The following GALNT8 variants were observed in gnomAD, a reference collection of about 807,000 sequenced individuals.
GALNT8 encodes the protein probable polypeptide N-acetylgalactosaminyltransferase 8.
GALNT8 carries 66 observed loss-of-function variants against 62.7 expected under a neutral mutation model. The ratio of observed to expected loss-of-function variants is 1.05; its 90% CI spans 0.86 to 1.29. The LOEUF (loss-of-function observed/expected upper bound fraction) is 1.29, where lower values mean the gene tolerates loss of function less well. Ranked by LOEUF, GALNT8 falls within the 50% of genes most tolerant of loss-of-function variation. The probability of loss-of-function intolerance (pLI) is 0.00; values close to 1 mark genes in which losing one functional copy is unlikely to be tolerated. For synonymous variants in GALNT8, 288 were observed against 294.3 expected (o/e 0.98, Z 0.22); for missense variants, 771 against 791.8 (o/e 0.97, Z 0.32).
At chr12:4,736,415 C>T (rs1459973210) in intron 2 of GALNT8, among the ~76,000 whole-genome samples, 1 of 151,944 alleles carries the variant, frequency 6.6e-6, no homozygotes, top group Non-Finnish European at 1.5e-5. Flanking sequence ...TCCAAGCTAC[C>T]AGTATGTGGG....
In GALNT8 at chr12:4,726,506, C is replaced by T; in HGVS notation, c.212-26C>T. On this transcript the variant is annotated intron_variant, in intron 1 of 10. Coordinates refer to ENST00000252318, the MANE Select transcript of GALNT8 (RefSeq NM_017417.2). This position sits in a 1 kb window ranked among gnomAD's most constrained non-coding sequence, Gnocchi z 4.1. Reference sequence around the variant, plus strand: ...AAGGAGGGGCTGAAATGTTTTCTCTCCCACCCCTGTCCTCTTCATTTGCAG... The same window carrying T: ...AAGGAGGGGCTGAAATGTTTTCTCTTCCACCCCTGTCCTCTTCATTTGCAG... The T allele has an allele frequency of 1.3e-6, 2 of 1,566,864 alleles. No homozygotes were observed. Among genetic ancestry groups the T allele is most frequent in the South Asian group, 1.2e-5 (1 of 85,180 alleles).
At chr12:4,760,684 G>A (rs1343277337) in intron 6 of GALNT8, among the ~76,000 whole-genome samples, 1 of 152,212 alleles carries the variant, frequency 6.6e-6, no homozygotes, top group East Asian at 1.9e-4. Flanking sequence ...GGATAAGGGA[G>A]CAGAGGCAGC....
intron 6 of GALNT8, among the ~76,000 whole-genome samples, chr12:4,752,665 T>C (rs979583411): frequency 6.6e-6 from 1 of 152,162 alleles, no homozygotes; most frequent in Non-Finnish European, 1.5e-5. Context: ...TGTTGATCGA[T>C]TCATTATTTA....
At chr12:4,728,141 G>A (rs1013724457) in intron 2 of GALNT8, among the ~76,000 whole-genome samples, 1 of 151,856 alleles carries the variant, frequency 6.6e-6, no homozygotes, top group Admixed American at 6.6e-5. Context: ...CTTTTCATGT[G>A]CTATTGGCCA....
At chr12:4,727,703 TA>T (rs1946202723) in intron 2 of GALNT8, among the ~76,000 whole-genome samples, 2 of 152,222 alleles carry the variant, frequency 1.3e-5, no homozygotes, top group Non-Finnish European at 2.9e-5. Flanking sequence ...CGTTCCTTTT[TA>T]TTGTTAAATA....
intron 3 of GALNT8, among the ~76,000 whole-genome samples, chr12:4,741,845 G>A (rs572961602): frequency 2.6e-5 from 4 of 152,196 alleles, no homozygotes; most frequent in Non-Finnish European, 5.9e-5. Context: ...CAGAAAAGGG[G>A]ACTGTCAGCC....
chr12:4,765,443 G>C lies in GALNT8; in HGVS notation c.1658G>C (p.Ser553Thr). 6.2e-7 allele frequency: 1 copy of C among 1,610,724 alleles called. No homozygotes were observed. The highest frequency in any genetic ancestry group is 8.5e-7 in the Non-Finnish European group (1 of 1,179,350). The change falls in exon 10 of 11, where the codon AGT becomes ACT. Residue 553 changes from serine to threonine, a missense_variant. By Grantham distance (58) the Ser-to-Thr change is moderately conservative. Transcript: ENST00000252318. ...VGQLIAEASA[S>T]DRCLTDPGKA... ...CAACTGATTGCAGAGGCCAGTGCTA[G>C]TGATCGCTGCCTGACAGACCCTGGC...
Position 4,726,738 on chromosome 12 carries a change from G to T in GALNT8, c.418G>T (p.Ala140Ser). 3 of 1,614,014 alleles carry T rather than the reference G, an allele frequency of 1.9e-6. No individual in the cohort carries two copies. The highest frequency in any genetic ancestry group is 2.5e-6 in the Non-Finnish European group (3 of 1,179,976). ...EDLSEAQQKA[A>S]QDLFRKFGYN... is the part of the protein sequence containing the mutation. ...TCTTTCTGAGGCCCAGCAGAAGGCG[G>T]CCCAGGACCTCTTCCGGAAGTTTGG... The change falls in exon 2 of 11, where the codon GCC (alanine) becomes TCC (serine). Residue 140 changes from alanine to serine, a missense_variant. Coordinates refer to ENST00000252318, the MANE Select transcript of GALNT8 (RefSeq NM_017417.2). The surrounding 1 kb of genome is among the most constrained non-coding windows in gnomAD (Gnocchi z 4.1).
intron 5 of GALNT8, 135 bp downstream of exon 5, chr12:4,745,761 G>A: frequency 1.5e-6 from 1 of 675,808 alleles, no homozygotes; most frequent in Non-Finnish European, 2.6e-6. Context: ...GAAGGACAAG[G>A]GATAGAGGGA....
chr12:4,750,942 G>A (rs1465696302), intron 6 of GALNT8, among the ~76,000 whole-genome samples: 1 of 152,050 alleles, frequency 6.6e-6, no homozygotes, highest in Admixed American at 6.5e-5. Flanking sequence ...ATAGACCAAT[G>A]GAACAGAATA....
chr12:4,726,431 TG>T lies in GALNT8; in HGVS notation c.212-98del. 2 of 776,504 alleles carry T rather than the reference TG, an allele frequency of 2.6e-6. No individual in the cohort carries two copies. Among genetic ancestry groups the T allele is most frequent in the South Asian group, 1.8e-5 (1 of 55,266 alleles). The allele number at this position is 776,504 out of a possible 1,614,324, so 48.1% of individuals were successfully genotyped here. ...AGAGCTTATAAGTTTTAAGATGTAG[TG>T]GGTAAACCGTTAGAGGAAATTAGGA... is the stretch of plus-strand genomic sequence containing the variant. On this transcript the variant is annotated intron_variant, in intron 1 of 10. Coordinates refer to ENST00000252318, the MANE Select transcript of GALNT8 (RefSeq NM_017417.2). This position sits in a 1 kb window ranked among gnomAD's most constrained non-coding sequence, Gnocchi z 4.1.
rs372004098 is a variant in GALNT8 at position 4,739,255 on chromosome 12, T to A, written c.602T>A (p.Ile201Asn). 174 of 1,613,440 alleles carry A rather than the reference T, an allele frequency of 1.1e-4. No individual in the cohort carries two copies. The highest frequency in any genetic ancestry group is 1.4e-4 in the Non-Finnish European group (168 of 1,179,472). Residue 201 changes from isoleucine (I) to asparagine (N), a missense_variant, in exon 3 of 11, where the codon ATC becomes AAC. By Grantham distance (149) the Ile-to-Asn change is moderately radical. Coordinates refer to ENST00000252318, the MANE Select transcript of GALNT8 (RefSeq NM_017417.2). ...NEALSIIQRA[I>N]TSIINRTPSR... ...GCTCTGTCCATTATACAACGGGCCA[T>A]CACCAGTATCATCAACCGGACGCCC...
At chr12:4,757,229 C>T (rs1434971088) in intron 6 of GALNT8, among the ~76,000 whole-genome samples, 2 of 152,158 alleles carry the variant, frequency 1.3e-5, no homozygotes, top group African/African-American at 4.8e-5. Flanking sequence ...AGTGTGAAAA[C>T]AGACAAATGC....
chr12:4,769,205 G>A (rs1490648494), intron 10 of GALNT8, among the ~76,000 whole-genome samples: 1 of 152,182 alleles, frequency 6.6e-6, no homozygotes, highest in Non-Finnish European at 1.5e-5. Flanking sequence ...GAATAGTGAG[G>A]AGGAGGAGAG....
chr12:4,726,977 A>G lies in GALNT8; in HGVS notation c.509+148A>G. On this transcript the variant is annotated intron_variant, in intron 2 of 10. Transcript: ENST00000252318. This position sits in a 1 kb window ranked among gnomAD's most constrained non-coding sequence, Gnocchi z 4.1. ...AAAGTTGTTGTTTTCAATTTATTTT[A>G]TAATGACAGCTCAGAGAAGATAACC... 4 of 648,908 alleles carry G rather than the reference A, an allele frequency of 6.2e-6. No homozygotes were observed. Among genetic ancestry groups the G allele is most frequent in the East Asian group, 5.4e-5 (2 of 37,084 alleles). The allele number at this position is 648,908 out of a possible 1,614,324, so 40.2% of individuals were successfully genotyped here. A position where few individuals can be genotyped will look rare whatever the true frequency, so the allele number is the denominator to read the frequency against.
chr12:4,761,551 G>C (rs139769527), intron 7 of GALNT8, among the ~76,000 whole-genome samples: 1 of 152,154 alleles, frequency 6.6e-6, no homozygotes, highest in African/African-American at 2.4e-5. Context: ...GTATGATGTG[G>C]GGTGGTAGGA....
At chr12:4,756,914 C>T (rs1310752527) in intron 6 of GALNT8, among the ~76,000 whole-genome samples, 1 of 152,038 alleles carries the variant, frequency 6.6e-6, no homozygotes, top group African/African-American at 2.4e-5. Flanking sequence ...AATTATAATC[C>T]CCATAATCCC....
intron 10 of GALNT8, among the ~76,000 whole-genome samples, chr12:4,770,327 C>T (rs538554932): frequency 6.7e-6 from 1 of 148,636 alleles, no homozygotes; most frequent in Admixed American, 6.7e-5. Context: ...AAACAAAAAA[C>T]AAACAACAAA....
Position 4,739,324 on chromosome 12 carries a change from C to G in GALNT8, c.671C>G (p.Ser224Ter). The G allele has an allele frequency of 6.2e-7, 1 of 1,612,028 alleles. No homozygotes were observed. The highest frequency in any genetic ancestry group is 8.5e-7 in the Non-Finnish European group (1 of 1,178,750). The change falls in exon 3 of 11, where the codon TCA becomes TGA. Residue 224 changes from serine (S) to a stop codon, truncating the protein, a stop_gained. Transcript: ENST00000252318. LOFTEE classifies it high-confidence loss of function. ...ATCATCTTGGTGGATGATTTCAGCT[C>G]AAATGGTGAGCAACGTGATCAAAGA... ...KEIILVDDFS[S>*]NGELKVHLDE...
Sources: gnomAD v4.1 joint callset for allele counts (sites outside exome capture counted in the v4.1 genomes callset) on GRCh38, gnomAD v4.1.1 for gene constraint, Gnocchi (gnomAD v3.1) non-coding constraint, MANE v1.5 for transcripts, NCBI Gene and HGNC (gene_info 2026-07-23, HGNC 2026-07-21) for gene names.